The following ACKR2 variants were observed in gnomAD, a reference collection of about 807,000 sequenced individuals.
ACKR2 encodes atypical chemokine receptor 2, also known as C-C chemokine receptor D6.
For synonymous variants in ACKR2, 207 were observed against 192.2 expected, an observed-to-expected ratio of 1.08 and a Z score of -0.64; for missense variants, 457 against 477.3, an observed-to-expected ratio of 0.96 and a Z score of 0.40.
chr3:42,810,260 G>C (rs1419984159), intron 1 of ACKR2, among the ~76,000 whole-genome samples: 1 of 152,180 alleles, frequency 6.6e-6, no homozygotes, highest in Non-Finnish European at 1.5e-5. Context: ...TTGGAATGAT[G>C]AGTTAGGAGT....
At chr3:42,832,073 T>A (rs1700936794) in intron 2 of ACKR2, among the ~76,000 whole-genome samples, 2 of 152,210 alleles carry the variant, frequency 1.3e-5, no homozygotes, top group South Asian at 2.1e-4. Context: ...CTTTGGAGAC[T>A]GAGATTTTTG....
intron 2 of ACKR2, among the ~76,000 whole-genome samples, chr3:42,823,725 A>G (rs72867313): frequency 0.033 from 5,046 of 152,316 alleles, 197 homozygotes; most frequent in African/African-American, 0.096. Flanking sequence ...ATGGCAAGAA[A>G]CCTATACATT....
chr3:42,828,103 TTTC>T (rs1439224045), intron 2 of ACKR2, among the ~76,000 whole-genome samples: 28 of 132,090 alleles, frequency 2.1e-4, no homozygotes, highest in African/African-American at 5.0e-4. Flanking sequence ...TTTTTTTTTT[TTTC>T]TTTTCTTTTC....
At position 42,866,531 on chromosome 3, in the gene ACKR2, A is replaced by C. The variant is rs1024610249; in HGVS notation, c.*874A>C. On this transcript the variant is annotated 3_prime_UTR_variant, in exon 3 of 3. Transcript: ENST00000422265. The stretch of plus-strand genomic sequence containing the variant: ...TTCACCATGTTGGCCAGGCTGGAGA[A>C]TTGCTGTAATAGTTTTCCAACTGGC... The C allele has an allele frequency of 2.1e-4, 35 of 167,108 alleles. No homozygotes were observed. Among genetic ancestry groups the C allele is most frequent in the Admixed American group, 2.0e-3 (30 of 15,288 alleles). 10.4% of individuals were successfully genotyped at this position (167,108 alleles called of 1,614,324 possible). A position where few individuals can be genotyped will look rare whatever the true frequency, so the allele number is the denominator to read the frequency against.
At chr3:42,858,044 T>C (rs1378220123) in intron 2 of ACKR2, among the ~76,000 whole-genome samples, 1 of 152,190 alleles carries the variant, frequency 6.6e-6, no homozygotes, top group Non-Finnish European at 1.5e-5. Flanking sequence ...TAGATAAAAC[T>C]CGCATTTCCC....
intron 2 of ACKR2, among the ~76,000 whole-genome samples, chr3:42,855,458 A>G (rs1046979416): frequency 2.0e-5 from 3 of 152,164 alleles, no homozygotes; most frequent in African/African-American, 7.2e-5. Context: ...TTATTGATGA[A>G]AGTGATAGGA....
chr3:42,854,547 C>T (rs1298859650), intron 2 of ACKR2, among the ~76,000 whole-genome samples: 1 of 152,148 alleles, frequency 6.6e-6, no homozygotes, highest in Admixed American at 6.5e-5. Context: ...AATCCCCGGC[C>T]CCCCATTTGC....
At chr3:42,827,128 A>G (rs1419780367) in intron 2 of ACKR2, among the ~76,000 whole-genome samples, 1 of 152,204 alleles carries the variant, frequency 6.6e-6, no homozygotes, top group Admixed American at 6.5e-5. Context: ...GACTTGTTAT[A>G]TGGCCTAACA....
intron 1 of ACKR2, among the ~76,000 whole-genome samples, chr3:42,818,777 G>A (rs1006521662): frequency 6.6e-6 from 1 of 152,120 alleles, no homozygotes; most frequent in African/African-American, 2.4e-5. Context: ...GATCAGACTG[G>A]TCTTGAACTC....
At chr3:42,817,851 A>G (rs17074836) in intron 1 of ACKR2, among the ~76,000 whole-genome samples, 1,541 of 152,282 alleles carry the variant, frequency 0.01, 27 homozygotes, top group African/African-American at 0.035. Context: ...CATATTTGAC[A>G]TTATGAATCT....
At position 42,809,878 on chromosome 3, in the gene ACKR2, T is replaced by C. The variant is rs183469527; in HGVS notation, c.-119+346T>C. On this transcript the variant is annotated intron_variant, in intron 1 of 2. Transcript: ENST00000422265. ...CTCCGTCTCAAAAAAAAAAAAAAAG[T>C]TGGGGAAGCTTAGAGGTTCTGGTTT... Among the ~76,000 whole-genome samples, 196 of 147,632 alleles carry C rather than the reference T, an allele frequency of 1.3e-3. 4 individuals are homozygous for C. The East Asian group carries it at 0.03, about 23-fold the overall frequency.
intron 2 of ACKR2, among the ~76,000 whole-genome samples, chr3:42,828,092 A>ATATATTTTTTTTTTTTTTTTTTTTT (rs1193533555): frequency 1.6e-5 from 2 of 121,904 alleles, no homozygotes; most frequent in Non-Finnish European, 3.4e-5. Context: ...ATATATATAT[A>ATATATTTTTTTTTTTTTTTTTTTTT]TTTTTTTTTT....
intron 2 of ACKR2, among the ~76,000 whole-genome samples, chr3:42,831,807 G>T (rs994740307): frequency 1.3e-5 from 2 of 152,104 alleles, no homozygotes; most frequent in African/African-American, 4.8e-5. Flanking sequence ...AACTTTCCCT[G>T]TTCAACTTAC....
chr3:42,810,068 A>G (rs893459530), intron 1 of ACKR2, among the ~76,000 whole-genome samples: 1 of 152,208 alleles, frequency 6.6e-6, no homozygotes. Context: ...CTGAGCCCCA[A>G]CAGCAGGAAA....
intron 2 of ACKR2, among the ~76,000 whole-genome samples, chr3:42,858,284 C>A (rs2088343799): frequency 6.6e-6 from 1 of 152,170 alleles, no homozygotes; most frequent in African/African-American, 2.4e-5. Flanking sequence ...CTCTGGCTAG[C>A]ATCTGGCGGT....
intron 2 of ACKR2, among the ~76,000 whole-genome samples, chr3:42,859,660 C>T (rs2088360185): frequency 1.3e-5 from 2 of 152,184 alleles, no homozygotes; most frequent in East Asian, 1.9e-4. Flanking sequence ...GGATCACAGA[C>T]GTGAGCCGCC....
Position 42,866,344 on chromosome 3 carries a change from T to G in ACKR2, c.*687T>G, listed in dbSNP as rs1342054998. The G allele has an allele frequency of 6.6e-6, 1 of 152,200 alleles. No individual in the cohort carries two copies. The highest frequency in any genetic ancestry group is 1.5e-5 in the Non-Finnish European group (1 of 68,034). The allele number at this position is 152,200 out of a possible 1,614,324, so 9.4% of individuals were successfully genotyped here. On this transcript the variant is annotated 3_prime_UTR_variant, in exon 3 of 3. Transcript: ENST00000422265. ...TGCGCGTGCCACCACGCACAGCTAA[T>G]TTTTATAATTTTAGTAGAGATGGGG...
rs1266831498 is a variant in ACKR2, at chr3:42,864,556, GA to G, written c.56del (p.Asn19IlefsTer37). ...PLATEDADSE[N>X]SSFYYYDYLD... Reference sequence around the variant, plus strand: ...TCGCCACTGAGGATGCCGATTCTGAGAATAGCAGCTTCTATTACTATGACTA... The same window carrying G: ...TCGCCACTGAGGATGCCGATTCTGAGATAGCAGCTTCTATTACTATGACTA... On this transcript the variant is annotated frameshift_variant, in exon 3 of 3. Coordinates refer to ENST00000422265, the MANE Select transcript of ACKR2 (RefSeq NM_001296.5). LOFTEE classifies it low-confidence loss of function (END_TRUNC). 1.2e-6 allele frequency: 2 copies of G among 1,613,528 alleles called. No homozygotes were observed. Among genetic ancestry groups the G allele is most frequent in the Non-Finnish European group, 1.7e-6 (2 of 1,179,722 alleles).
In ACKR2 at chr3:42,865,872, A is replaced by C; in HGVS notation, c.*215A>C. 4 of 516,436 alleles carry C rather than the reference A, an allele frequency of 7.7e-6. No homozygotes were observed. The highest frequency in any genetic ancestry group is 1.9e-5 in the African/African-American group (1 of 51,550). The allele number at this position is 516,436 out of a possible 1,614,324, so 32.0% of individuals were successfully genotyped here. On this transcript the variant is annotated 3_prime_UTR_variant, in exon 3 of 3. Transcript: ENST00000422265. ...CACGCTTTCTTTTCTGAATTGCTAC[A>C]ATCTTTCTTCCTTCCTTCCTTGCTT...
Sources: allele counts gnomAD v4.1 joint callset (sites outside exome capture counted in the v4.1 genomes callset), GRCh38; gene constraint gnomAD v4.1.1; transcripts MANE v1.5; gene names NCBI Gene and HGNC (gene_info 2026-07-23, HGNC 2026-07-21).